Variants in KDM4C observed in about 807,000 individuals in gnomAD.
KDM4C encodes lysine-specific demethylase 4C.
KDM4C carries 81 observed loss-of-function variants against 129.3 expected under a neutral mutation model. That is an observed-to-expected ratio of 0.63 (90% CI 0.52 to 0.75). The LOEUF (loss-of-function observed/expected upper bound fraction) is 0.75. Among genes scored for constraint, KDM4C ranks in the 30% least tolerant of loss-of-function variants. KDM4C has a pLI of 0.00. For synonymous variants in KDM4C, 573 were observed against 456.1 expected, an observed-to-expected ratio of 1.26 and a Z score of -3.26; for missense variants, 1,457 against 1,304.0, an observed-to-expected ratio of 1.12 and a Z score of -1.81.
intron 5 of KDM4C, among the ~76,000 whole-genome samples, chr9:6,862,788 C>T (rs148235005): frequency 6.6e-6 from 1 of 151,612 alleles, no homozygotes; most frequent in Non-Finnish European, 1.5e-5. Flanking sequence ...GCATGGGTGA[C>T]AGAGCGAGAC....
At chr9:6,803,980 G>T (rs1290056095) in intron 2 of KDM4C, among the ~76,000 whole-genome samples, 1 of 151,942 alleles carries the variant, frequency 6.6e-6, no homozygotes, top group Non-Finnish European at 1.5e-5. Context: ...CTGTCACCAC[G>T]CCCGGATAAT....
At chr9:7,087,026 G>C in intron 17 of KDM4C, among the ~76,000 whole-genome samples, 1 of 151,904 alleles carries the variant, frequency 6.6e-6, no homozygotes, top group East Asian at 1.9e-4. Flanking sequence ...CTCTCATAAA[G>C]CTGGAAAAGG....
chr9:7,024,057 T>G (rs1390985594), intron 15 of KDM4C, among the ~76,000 whole-genome samples: 1 of 152,230 alleles, frequency 6.6e-6, no homozygotes, highest in Non-Finnish European at 1.5e-5. Flanking sequence ...TAACATGACC[T>G]ATCTTTGAGA....
intron 8 of KDM4C, among the ~76,000 whole-genome samples, chr9:6,923,362 T>A (rs1272422038): frequency 6.6e-6 from 1 of 152,146 alleles, no homozygotes; most frequent in Non-Finnish European, 1.5e-5. Flanking sequence ...GTTTAAATGT[T>A]TTTTTTTCCT....
chr9:7,062,907 A>T (rs1293441998), intron 17 of KDM4C, among the ~76,000 whole-genome samples: 2 of 152,298 alleles, frequency 1.3e-5, no homozygotes, highest in East Asian at 3.8e-4. Flanking sequence ...TTAGAAATAT[A>T]AACTAATTTT....
chr9:6,852,603 C>G (rs1839059374), intron 5 of KDM4C, among the ~76,000 whole-genome samples: 1 of 152,196 alleles, frequency 6.6e-6, no homozygotes, highest in Non-Finnish European at 1.5e-5. Context: ...TGTATCTCCC[C>G]TTCAGTATGG....
intron 1 of KDM4C, among the ~76,000 whole-genome samples, chr9:6,790,441 A>G (rs1461895720): frequency 6.8e-6 from 1 of 147,938 alleles, no homozygotes; most frequent in South Asian, 2.2e-4. Flanking sequence ...TTTAGTAGAG[A>G]TGGGGTTTCA....
intron 2 of KDM4C, among the ~76,000 whole-genome samples, chr9:6,800,913 C>T (rs1255819905): frequency 6.6e-6 from 1 of 152,212 alleles, no homozygotes; most frequent in Non-Finnish European, 1.5e-5. Flanking sequence ...CAGGCGTGAG[C>T]CACCGTTCCT....
At chr9:7,044,692 C>A (rs1829133447) in intron 15 of KDM4C, among the ~76,000 whole-genome samples, 2 of 151,916 alleles carry the variant, frequency 1.3e-5, no homozygotes, top group South Asian at 4.2e-4. Context: ...GTTTGAGATA[C>A]CTGTGGCACT....
chr9:7,002,302 CCTAT>C (rs201412957), intron 12 of KDM4C, among the ~76,000 whole-genome samples: 2,157 of 152,114 alleles, frequency 0.014, 22 homozygotes, highest in Middle Eastern at 0.041. Flanking sequence ...ATGCTTAGTA[CCTAT>C]CTTTGTTTTT....
chr9:6,978,751 C>T lies in KDM4C; in HGVS notation c.922-2174C>T, dbSNP rs372199939. 3 of 149,738 alleles carry T rather than the reference C, an allele frequency of 2.0e-5. No individual in the cohort carries two copies. The East Asian group carries it at 6.3e-4, about 31-fold the overall frequency. The allele number at this position is 149,738 out of a possible 1,614,324, so 9.3% of individuals were successfully genotyped here. ...CAGCTCTCTCCTGGATAACCACATT[C>T]TCTCTTCCTGGCTTCTGCTGACATG... On this transcript the variant is annotated intron_variant, in intron 8 of 21. Coordinates refer to ENST00000381309, the MANE Select transcript of KDM4C (RefSeq NM_015061.6).
rs561489078 is a variant in KDM4C at position 6,830,561 on chromosome 9, T to C, written c.435+15816T>C. Among the ~76,000 whole-genome samples, 325 of 152,358 alleles carry C rather than the reference T, an allele frequency of 2.1e-3. 1 individual carries two copies. Among genetic ancestry groups the C allele is most frequent in the Non-Finnish European group, 4.0e-3 (270 of 68,028 alleles). ...AAAATGATAAAATGGTTTTCTCTTC[T>C]TTGCAGATTTATATATTTGATATTT... On this transcript the variant is annotated intron_variant, in intron 4 of 21. Coordinates refer to ENST00000381309, the MANE Select transcript of KDM4C (RefSeq NM_015061.6).
At chr9:7,062,301 G>A (rs1468239801) in intron 17 of KDM4C, among the ~76,000 whole-genome samples, 2 of 152,018 alleles carry the variant, frequency 1.3e-5, no homozygotes, top group Admixed American at 6.6e-5. Flanking sequence ...TTCTTAGGAT[G>A]CAGCTTTCTC....
At chr9:7,016,765 C>T (rs1823774618) in intron 15 of KDM4C, among the ~76,000 whole-genome samples, 1 of 152,250 alleles carries the variant, frequency 6.6e-6, no homozygotes, top group East Asian at 1.9e-4. Context: ...ACTTAGGAAG[C>T]TGCAGGGACT....
At chr9:7,079,287 C>T (rs866072859) in intron 17 of KDM4C, among the ~76,000 whole-genome samples, 3 of 152,088 alleles carry the variant, frequency 2.0e-5, no homozygotes, top group Admixed American at 1.3e-4. Flanking sequence ...AAGAATAGCC[C>T]CATTATATAC....
At chr9:7,022,110 T>C (rs941447422) in intron 15 of KDM4C, among the ~76,000 whole-genome samples, 2 of 152,208 alleles carry the variant, frequency 1.3e-5, no homozygotes, top group East Asian at 3.8e-4. Context: ...TTTGTTCTTT[T>C]TGCTTAGGAT....
chr9:6,815,365 T>A (rs1831893995), intron 4 of KDM4C, among the ~76,000 whole-genome samples: 2 of 152,266 alleles, frequency 1.3e-5, no homozygotes, highest in South Asian at 4.1e-4. Context: ...TTTTCTTTTT[T>A]AATTTATTAT....
At chr9:7,109,827 C>T (rs1306692526) in intron 18 of KDM4C, among the ~76,000 whole-genome samples, 1 of 152,048 alleles carries the variant, frequency 6.6e-6, no homozygotes, top group Non-Finnish European at 1.5e-5. Context: ...TGGCTGTGTC[C>T]CCACCCAAAA....
At chr9:7,040,317 C>G (rs2132461809) in intron 15 of KDM4C, among the ~76,000 whole-genome samples, 1 of 150,642 alleles carries the variant, frequency 6.6e-6, no homozygotes, top group South Asian at 2.1e-4. Flanking sequence ...CTCCCTCTGT[C>G]TCTCTTTCCC....
Sources: gnomAD v4.1 joint callset for allele counts (sites outside exome capture counted in the v4.1 genomes callset) on GRCh38, gnomAD v4.1.1 for gene constraint, MANE v1.5 for transcripts, NCBI Gene and HGNC (gene_info 2026-07-23, HGNC 2026-07-21) for gene names.